CCDC138: variants seen among roughly 807,000 people sequenced by gnomAD.
The protein encoded by CCDC138 is coiled-coil domain-containing protein 138.
CCDC138 carries 66 observed loss-of-function variants against 82.3 expected under a neutral mutation model. That is an observed-to-expected ratio of 0.80 (90% CI 0.66 to 0.98). The LOEUF (loss-of-function observed/expected upper bound fraction) is 0.98. Among genes scored for constraint, CCDC138 ranks in the 50% least tolerant of loss-of-function variants. CCDC138 has a pLI of 0.00. For missense variants in CCDC138, 816 were observed against 758.9 expected, an observed-to-expected ratio of 1.08 and a Z score of -0.88; for synonymous variants, 297 against 265.4, an observed-to-expected ratio of 1.12 and a Z score of -1.16.
intron 10 of CCDC138, among the ~76,000 whole-genome samples, chr2:108,816,768 T>C (rs892200886): frequency 6.6e-6 from 1 of 152,166 alleles, no homozygotes; most frequent in African/African-American, 2.4e-5. Context: ...CAGTCATTGC[T>C]TACTGCAGCC....
At chr2:108,850,826 C>T (rs529655792) in intron 12 of CCDC138, among the ~76,000 whole-genome samples, 1 of 151,942 alleles carries the variant, frequency 6.6e-6, no homozygotes, top group African/African-American at 2.4e-5. Flanking sequence ...TCCCACATGA[C>T]AATAATCATC....
At chr2:108,816,675 A>G (rs932925180) in intron 10 of CCDC138, among the ~76,000 whole-genome samples, 3 of 152,144 alleles carry the variant, frequency 2.0e-5, no homozygotes, top group African/African-American at 7.2e-5. Context: ...GGCATCCCTC[A>G]TAACCCAGTC....
chr2:108,799,438 C>T (rs1228586213), intron 6 of CCDC138, among the ~76,000 whole-genome samples: 1 of 152,184 alleles, frequency 6.6e-6, no homozygotes, highest in Admixed American at 6.5e-5. Flanking sequence ...AGTTCCCTTA[C>T]GCTCTCTTGT....
Position 108,856,822 on chromosome 2 carries a change from T to G in CCDC138, c.1545T>G (p.Ser515=). 1 of 1,613,426 alleles carries G rather than the reference T, an allele frequency of 6.2e-7. No individual in the cohort carries two copies. Among genetic ancestry groups the G allele is most frequent in the Non-Finnish European group, 8.5e-7 (1 of 1,179,782 alleles). The change falls in exon 13 of 15, where the codon TCT becomes TCG. Residue 515 remains serine, a synonymous_variant. Transcript: ENST00000295124. ...QADYLAQAFD[S]LCLDLKTEEG... Reference sequence around the variant, plus strand: ...ATTACCTGGCTCAGGCATTTGATTCTCTTTGTTTGGACTTGAAGACAGAAG... The same window carrying G: ...ATTACCTGGCTCAGGCATTTGATTCGCTTTGTTTGGACTTGAAGACAGAAG...
At chr2:108,810,013 C>G (rs552175326) in intron 7 of CCDC138, among the ~76,000 whole-genome samples, 28 of 152,248 alleles carry the variant, frequency 1.8e-4, no homozygotes, top group African/African-American at 6.0e-4. Flanking sequence ...GCTGTATTGG[C>G]CAGGGTGGTC....
In CCDC138 at chr2:108,841,642, T is replaced by A. The variant is rs566351592; in HGVS notation, c.1323+2341T>A. ...TGACCTGCTTATATCTAGAATGAGTTTTTTTAATTAAATAGCATACAGCTG... is the reference window on the plus strand; with the variant it reads ...TGACCTGCTTATATCTAGAATGAGTATTTTTAATTAAATAGCATACAGCTG... On this transcript the variant is annotated intron_variant, in intron 11 of 14. Transcript: ENST00000295124. 2.1e-3 allele frequency among the ~76,000 whole-genome samples: 318 copies of A among 152,250 alleles called. 1 individual carries two copies. The highest frequency in any genetic ancestry group is 7.2e-3 in the African/African-American group (298 of 41,566).
chr2:108,786,937 C>G (rs766529876), intron 1 of CCDC138, 22 bp downstream of exon 1: 102 of 1,476,640 alleles, frequency 6.9e-5, no homozygotes, highest in Non-Finnish European at 8.9e-5. Flanking sequence ...GCCTGAGGTC[C>G]GCGGGTGGGC....
chr2:108,803,846 G>A (rs1351144163), intron 6 of CCDC138, among the ~76,000 whole-genome samples: 2 of 152,156 alleles, frequency 1.3e-5, no homozygotes, highest in South Asian at 2.1e-4. Flanking sequence ...TTATCCTGCT[G>A]TGCTAGAAAT....
At position 108,812,712 on chromosome 2, in the gene CCDC138, A is replaced by G. The variant is rs771544822; in HGVS notation, c.933+4A>G. On this transcript the variant is annotated splice_donor_region_variant and intron_variant, in intron 8 of 14. Transcript: ENST00000295124. ...AGCTCGTTTAGATAATTTACAGGTA[A>G]GTTGCCTGTTCTTCTCTACAGACAG... 1 of 1,606,410 alleles carries G rather than the reference A, an allele frequency of 6.2e-7. No individual in the cohort carries two copies. The highest frequency in any genetic ancestry group is 2.2e-5 in the East Asian group (1 of 44,766).
chr2:108,793,573 A>G (rs964453928), intron 4 of CCDC138, among the ~76,000 whole-genome samples: 4 of 151,214 alleles, frequency 2.6e-5, no homozygotes, highest in Admixed American at 6.6e-5. Flanking sequence ...CTACTTATAT[A>G]CCCTCAGGAA....
chr2:108,799,265 A>G (rs1681489348), intron 6 of CCDC138, among the ~76,000 whole-genome samples: 1 of 152,226 alleles, frequency 6.6e-6, no homozygotes, highest in Admixed American at 6.5e-5. Flanking sequence ...GATATTGTAT[A>G]GGTGGTATAA....
intron 5 of CCDC138, 89 bp downstream of exon 5, chr2:108,794,810 T>A: frequency 1.0e-6 from 1 of 994,764 alleles, no homozygotes; most frequent in Non-Finnish European, 1.5e-6. Flanking sequence ...TATATTTCAT[T>A]TTAATTACTT....
At chr2:108,862,590 A>G (rs1693811052) in intron 13 of CCDC138, among the ~76,000 whole-genome samples, 1 of 152,176 alleles carries the variant, frequency 6.6e-6, no homozygotes, top group African/African-American at 2.4e-5. Context: ...GAGGTAATGG[A>G]TATGTTATTT....
rs755395858 is a variant in CCDC138 at position 108,816,098 on chromosome 2, G to C, written c.1199G>C (p.Cys400Ser). Residue 400 changes from cysteine (C) to serine (S), a missense_variant, in exon 10 of 15, where the codon TGT becomes TCT. Coordinates refer to ENST00000295124, the MANE Select transcript of CCDC138 (RefSeq NM_144978.3). ...CAGAGAAATGATATTCAGGAGAAGT[G>C]TGTAAAGGTTTGTTTTTTAATTTGA... is the stretch of plus-strand genomic sequence containing the variant. ...ASQRNDIQEK[C>S]VKLLPLMTEQ... 1 of 1,600,460 alleles carries C rather than the reference G, an allele frequency of 6.2e-7. No homozygotes were observed. The highest frequency in any genetic ancestry group is 8.5e-7 in the Non-Finnish European group (1 of 1,174,664).
intron 7 of CCDC138, among the ~76,000 whole-genome samples, chr2:108,807,829 G>T (rs1573998538): frequency 6.6e-6 from 1 of 152,082 alleles, no homozygotes; most frequent in Admixed American, 6.6e-5. Context: ...TGTTGGCCAG[G>T]GTGGTCTCAA....
Position 108,849,829 on chromosome 2 carries a change from G to A in CCDC138, c.1516+2899G>A, listed in dbSNP as rs375937618. Among the ~76,000 whole-genome samples the A allele has an allele frequency of 5.4e-4, 82 of 152,310 alleles. 1 individual carries two copies. In the South Asian group the frequency reaches 0.016, roughly 30 times the overall value. On this transcript the variant is annotated intron_variant, in intron 12 of 14. Coordinates refer to ENST00000295124, the MANE Select transcript of CCDC138 (RefSeq NM_144978.3). ...TGTTCATCTACTACCTGGGGCCAAG[G>A]TACATGCTGCTGCCATCAAGAAAGA...
chr2:108,791,622 T>C (rs1235234412), intron 3 of CCDC138, 53 bp from the exon 4 acceptor site: 1 of 1,569,394 alleles, frequency 6.4e-7, no homozygotes, highest in Non-Finnish European at 8.7e-7. Context: ...TTTATCTTTT[T>C]AAAGTGCTAT....
intron 9 of CCDC138, among the ~76,000 whole-genome samples, chr2:108,815,474 T>TG (rs201010179): frequency 0.011 from 1,455 of 138,264 alleles, 32 homozygotes; most frequent in African/African-American, 0.038. Context: ...TTTTTTTTTT[T>TG]TTTTTTTTTT....
chr2:108,885,271 G>T (rs1696394678), exon 3 of CCDC138: 1 of 152,160 alleles, frequency 6.6e-6, no homozygotes, highest in African/African-American at 2.4e-5. Flanking sequence ...CAGTTTTCTT[G>T]CCACTTTGTT....
Sources: allele counts gnomAD v4.1 joint callset (sites outside exome capture counted in the v4.1 genomes callset), GRCh38; gene constraint gnomAD v4.1.1; transcripts MANE v1.5; gene names NCBI Gene and HGNC (gene_info 2026-07-23, HGNC 2026-07-21).